Variants in FTO observed in about 807,000 individuals in gnomAD.
The protein encoded by FTO is FTO alpha-ketoglutarate dependent dioxygenase, also known as alpha-ketoglutarate-dependent dioxygenase FTO.
In FTO, 47 loss-of-function variants were observed where a neutral mutation model predicts 63.9. That is an observed-to-expected ratio of 0.74 (90% CI 0.58 to 0.94). The LOEUF is 0.94. FTO is among the 40% of genes least tolerant of loss of function. The probability of loss-of-function intolerance (pLI) is 0.00; values close to 1 mark genes in which losing one functional copy is unlikely to be tolerated. For missense variants in FTO, 562 were observed against 618.1 expected (o/e 0.91, Z 0.96); for synonymous variants, 207 against 224.4 (o/e 0.92, Z 0.69).
At chr16:53,789,640 T>C (rs1401682036) in intron 1 of FTO, among the ~76,000 whole-genome samples, 1 of 152,054 alleles carries the variant, frequency 6.6e-6, no homozygotes, top group Non-Finnish European at 1.5e-5. Flanking sequence ...TTGATGTTTT[T>C]CCCCCAGCCT....
chr16:53,710,540 G>C (rs908860092), intron 1 of FTO, among the ~76,000 whole-genome samples: 2 of 152,122 alleles, frequency 1.3e-5, no homozygotes. Context: ...TGGGATTACA[G>C]GCGTGAGCCA....
intron 4 of FTO, among the ~76,000 whole-genome samples, chr16:53,865,696 C>A (rs2080292990): frequency 6.6e-6 from 1 of 152,178 alleles, no homozygotes; most frequent in African/African-American, 2.4e-5. Context: ...TTAACTCCTG[C>A]ATGACTTACT....
chr16:53,946,477 A>T (rs1324455359), intron 8 of FTO, among the ~76,000 whole-genome samples: 2 of 152,204 alleles, frequency 1.3e-5, no homozygotes, highest in Non-Finnish European at 2.9e-5. Context: ...TTTTATTAAG[A>T]TATGCTCATA....
intron 7 of FTO, among the ~76,000 whole-genome samples, chr16:53,907,541 G>C (rs2081569947): frequency 6.6e-6 from 1 of 152,128 alleles, no homozygotes; most frequent in Admixed American, 6.6e-5. Flanking sequence ...TATAGCTTTT[G>C]CACCCTAGTA....
At chr16:53,892,692 T>TA (rs1463186475) in intron 7 of FTO, among the ~76,000 whole-genome samples, 2 of 152,226 alleles carry the variant, frequency 1.3e-5, no homozygotes, top group East Asian at 1.9e-4. Context: ...GCTGAGAAAA[T>TA]AAAAAACCTC....
At position 53,867,273 on chromosome 16, in the gene FTO, C is replaced by G. The variant is rs1009454133; in HGVS notation, c.896-6513C>G. ...AAAATGTTTCAGACAAATAAAAATT[C>G]AGGGAATTTGTTGCTAGTAGACGTG... On this transcript the variant is annotated intron_variant, in intron 4 of 8. Transcript: ENST00000471389. Among the ~76,000 whole-genome samples the G allele has an allele frequency of 3.3e-5, 5 of 151,838 alleles. No homozygotes were observed. The East Asian group carries it at 7.7e-4, about 23-fold the overall frequency.
At chr16:53,949,587 A>G (rs1409290120) in intron 8 of FTO, among the ~76,000 whole-genome samples, 16 of 152,160 alleles carry the variant, frequency 1.1e-4, no homozygotes, top group Admixed American at 1.0e-3. Context: ...CAACATTTCC[A>G]AAGAAACACG....
intron 2 of FTO, among the ~76,000 whole-genome samples, chr16:53,811,560 T>C (rs971276871): frequency 6.6e-6 from 1 of 152,144 alleles, no homozygotes; most frequent in African/African-American, 2.4e-5. Flanking sequence ...TCTGTCTAGT[T>C]TTCCTCTTTG....
intron 7 of FTO, among the ~76,000 whole-genome samples, chr16:53,925,299 C>T (rs768453986): frequency 4.6e-5 from 7 of 152,118 alleles, no homozygotes; most frequent in Admixed American, 1.3e-4. Context: ...ACAGCCCTAA[C>T]ATGAGACAGC....
In FTO at chr16:53,895,714, A is replaced by C. The variant is rs533524421; in HGVS notation, c.1239+6763A>C. Reference sequence around the variant, plus strand: ...ATGAGCTGTGTGAGAGTTGAGCTTTACTGGTACCAAGTCCTAGGATGTGCC... The same window carrying C: ...ATGAGCTGTGTGAGAGTTGAGCTTTCCTGGTACCAAGTCCTAGGATGTGCC... On this transcript the variant is annotated intron_variant, in intron 7 of 8. Transcript: ENST00000471389. Among the ~76,000 whole-genome samples, 11 of 152,270 alleles carry C rather than the reference A, an allele frequency of 7.2e-5. No individual in the cohort carries two copies. The South Asian group carries it at 2.1e-3, about 29-fold the overall frequency.
chr16:54,108,384 C>A (rs1440759157), intron 8 of FTO, among the ~76,000 whole-genome samples: 1 of 152,164 alleles, frequency 6.6e-6, no homozygotes, highest in Non-Finnish European at 1.5e-5. Context: ...TAGCCTGACA[C>A]TGGAAAGTTG....
At chr16:53,934,490 A>G (rs965544184) in intron 8 of FTO, among the ~76,000 whole-genome samples, 1 of 152,170 alleles carries the variant, frequency 6.6e-6, no homozygotes, top group Non-Finnish European at 1.5e-5. Context: ...ATATCACTCT[A>G]TGCAGGGCAG....
intron 1 of FTO, among the ~76,000 whole-genome samples, chr16:53,749,484 G>A (rs1383374556): frequency 6.7e-6 from 1 of 149,052 alleles, no homozygotes; most frequent in Non-Finnish European, 1.5e-5. Context: ...TGTGGCCCAC[G>A]CGGGAGTGCA....
rs1354938834 is a variant in FTO at position 54,113,729 on chromosome 16, G to A, written c.*1814G>A. 6.6e-6 allele frequency: 1 copy of A among 151,684 alleles called. No individual in the cohort carries two copies. Among genetic ancestry groups the A allele is most frequent in the Non-Finnish European group, 1.5e-5 (1 of 67,928 alleles). 9.4% of individuals were successfully genotyped at this position (151,684 alleles called of 1,614,324 possible). On this transcript the variant is annotated 3_prime_UTR_variant, in exon 9 of 9. Coordinates refer to ENST00000471389, the MANE Select transcript of FTO (RefSeq NM_001080432.3). ...TTAGCCCCTATGATGTTCATTTTTT[G>A]TTATATCCCATTAGGTGCCCATATT... is the stretch of plus-strand genomic sequence containing the variant.
At chr16:53,803,758 G>T (rs966672233) in intron 1 of FTO, among the ~76,000 whole-genome samples, 1 of 152,010 alleles carries the variant, frequency 6.6e-6, no homozygotes, top group African/African-American at 2.4e-5. Flanking sequence ...TTCTTTATAT[G>T]TTCTAAAATT....
In FTO at chr16:54,121,708, T is replaced by G. The variant is rs1248525232; in HGVS notation, c.*9793T>G. 2.0e-5 allele frequency: 3 copies of G among 152,312 alleles called. No individual in the cohort carries two copies. The allele number at this position is 152,312 out of a possible 1,614,324, so 9.4% of individuals were successfully genotyped here. A position where few individuals can be genotyped will look rare whatever the true frequency, so the allele number is the denominator to read the frequency against. On this transcript the variant is annotated 3_prime_UTR_variant, in exon 9 of 9. Transcript: ENST00000471389. ...TGCCTCATTCGGAGAGGTGATAATC[T>G]GGTCTGTGGTTTCTTTTTCGGTGGG...
intron 8 of FTO, among the ~76,000 whole-genome samples, chr16:54,052,010 C>G (rs972976474): frequency 7.9e-5 from 12 of 152,318 alleles, no homozygotes; most frequent in South Asian, 2.1e-4. Flanking sequence ...AGAACACTCT[C>G]TAGACTTGTG....
intron 1 of FTO, among the ~76,000 whole-genome samples, chr16:53,798,457 T>A (rs867923600): frequency 2.6e-5 from 4 of 152,186 alleles, no homozygotes; most frequent in African/African-American, 4.8e-5. Flanking sequence ...TAGTGTTTTT[T>A]AAATTTTCTT....
At chr16:53,937,686 T>C (rs749272950) in intron 8 of FTO, 24 of 155,348 alleles carry the variant, frequency 1.5e-4, no homozygotes, top group Non-Finnish European at 2.3e-4. Context: ...CAACATCTTT[T>C]CTCCCCCTCT....
Sources: allele counts gnomAD v4.1 joint callset (sites outside exome capture counted in the v4.1 genomes callset), GRCh38; gene constraint gnomAD v4.1.1; transcripts MANE v1.5; gene names NCBI Gene and HGNC (gene_info 2026-07-23, HGNC 2026-07-21).